CNTN4: variants seen among roughly 807,000 people sequenced by gnomAD.
The protein encoded by CNTN4 is contactin-4.
Under a neutral mutation model 122.5 loss-of-function variants are expected in CNTN4, and 77 were observed. The ratio of observed to expected loss-of-function variants is 0.63; its 90% CI spans 0.52 to 0.76. The LOEUF (loss-of-function observed/expected upper bound fraction) is 0.76. CNTN4 is among the 30% of genes least tolerant of loss of function. The pLI, the probability that CNTN4 is intolerant of heterozygous loss-of-function variation, is 0.00. For synonymous variants in CNTN4, 512 were observed against 447.0 expected (o/e 1.15, Z -1.83); for missense variants, 1,256 against 1,259.1 (o/e 1.00, Z 0.04).
At chr3:2,905,997 A>G (rs1038826411) in intron 12 of CNTN4, among the ~76,000 whole-genome samples, 10 of 152,258 alleles carry the variant, frequency 6.6e-5, no homozygotes, top group Non-Finnish European at 1.3e-4. Context: ...GTAGAATACT[A>G]TGTAGCCATA....
At chr3:2,885,015 C>T (rs976441370) in intron 9 of CNTN4, among the ~76,000 whole-genome samples, 6 of 152,160 alleles carry the variant, frequency 3.9e-5, no homozygotes, top group Non-Finnish European at 8.8e-5. Context: ...ATGTACTTTT[C>T]ATAGACCTTT....
Position 3,026,700 on chromosome 3 carries a change from T to C in CNTN4, c.1662+423T>C, listed in dbSNP as rs1698753188. ...TCTGTTTTTAGGCTGCTAATTAAAC[T>C]CCCTTTGACCTTGTAGAAGGCACGT... is the stretch of plus-strand genomic sequence containing the variant. On this transcript the variant is annotated intron_variant, in intron 15 of 24. Transcript: ENST00000418658. 2.0e-5 allele frequency among the ~76,000 whole-genome samples: 3 copies of C among 152,190 alleles called. No homozygotes were observed. In the South Asian group the frequency reaches 6.2e-4, roughly 31 times the overall value.
intron 3 of CNTN4, among the ~76,000 whole-genome samples, chr3:2,377,855 C>A (rs531589643): frequency 6.6e-6 from 1 of 151,848 alleles, no homozygotes; most frequent in Middle Eastern, 3.2e-3. Context: ...TCGTCCAGTG[C>A]GACCCAGGGA....
At chr3:2,769,265 C>A (rs2090986226) in intron 6 of CNTN4, among the ~76,000 whole-genome samples, 1 of 152,008 alleles carries the variant, frequency 6.6e-6, no homozygotes, top group Non-Finnish European at 1.5e-5. Context: ...AGTTCAAGAC[C>A]AGCCTGGCCA....
intron 3 of CNTN4, among the ~76,000 whole-genome samples, chr3:2,462,479 G>A (rs942783903): frequency 1.3e-5 from 2 of 152,132 alleles, no homozygotes; most frequent in Non-Finnish European, 2.9e-5. Context: ...CTTCAGTAAA[G>A]AGAAGTGGCC....
Position 2,613,579 on chromosome 3 carries a change from T to G in CNTN4, c.55+42021T>G, listed in dbSNP as rs79139278. Among the ~76,000 whole-genome samples, 706 of 152,312 alleles carry G rather than the reference T, an allele frequency of 4.6e-3. 5 individuals carry two copies. Among genetic ancestry groups the G allele is most frequent in the African/African-American group, 0.017 (687 of 41,580 alleles). ...TTATAAGATGGTATACATAAGACCA[T>G]GTATATTGTACTTTTTGGGCAATAT... On this transcript the variant is annotated intron_variant, in intron 4 of 24. Transcript: ENST00000418658.
At chr3:2,574,082 G>A (rs556790530) in intron 4 of CNTN4, among the ~76,000 whole-genome samples, 1 of 152,234 alleles carries the variant, frequency 6.6e-6, no homozygotes, top group Non-Finnish European at 1.5e-5. Context: ...AAGGCATGGT[G>A]GTGTATGCCT....
At chr3:2,924,808 T>G (rs988666403) in intron 12 of CNTN4, among the ~76,000 whole-genome samples, 8 of 152,172 alleles carry the variant, frequency 5.3e-5, no homozygotes, top group Non-Finnish European at 8.8e-5. Context: ...AAACCCTGTG[T>G]TTAAGAAGCT....
At chr3:2,814,890 C>T (rs1481059066) in intron 6 of CNTN4, among the ~76,000 whole-genome samples, 1 of 152,136 alleles carries the variant, frequency 6.6e-6, no homozygotes, top group Non-Finnish European at 1.5e-5. Context: ...AGTACTTGGC[C>T]ACATGGTATG....
At chr3:2,401,903 G>A (rs2046872574) in intron 3 of CNTN4, among the ~76,000 whole-genome samples, 1 of 152,130 alleles carries the variant, frequency 6.6e-6, no homozygotes, top group Non-Finnish European at 1.5e-5. Flanking sequence ...TTGTTTGCCA[G>A]CAAAGTAATA....
At chr3:2,864,779 C>G (rs185020914) in intron 7 of CNTN4, among the ~76,000 whole-genome samples, 124 of 136,276 alleles carry the variant, frequency 9.1e-4, no homozygotes, top group African/African-American at 3.0e-3. Context: ...GATTCCAACT[C>G]TCCTTGGAGA....
intron 12 of CNTN4, among the ~76,000 whole-genome samples, chr3:2,919,017 T>C (rs1013815995): frequency 1.3e-5 from 2 of 152,040 alleles, no homozygotes; most frequent in Non-Finnish European, 2.9e-5. Context: ...AGGCTCTTAC[T>C]TGAATTATGC....
Position 2,728,471 on chromosome 3 carries a change from A to G in CNTN4, c.56-7744A>G, listed in dbSNP as rs1299707037. Among the ~76,000 whole-genome samples the G allele has an allele frequency of 2.0e-5, 3 of 152,264 alleles. No individual in the cohort carries two copies. The East Asian group carries it at 5.8e-4, about 29-fold the overall frequency. On this transcript the variant is annotated intron_variant, in intron 4 of 24. Coordinates refer to ENST00000418658, the MANE Select transcript of CNTN4 (RefSeq NM_175607.3). ...GGTGTGAGTGGTGAGGGAGAAAGTGAAATATGAGCAGGACACTGAGAGCAC... is the reference window on the plus strand; with the variant it reads ...GGTGTGAGTGGTGAGGGAGAAAGTGGAATATGAGCAGGACACTGAGAGCAC...
intron 3 of CNTN4, among the ~76,000 whole-genome samples, chr3:2,450,433 G>A (rs1235516066): frequency 6.6e-6 from 1 of 152,022 alleles, no homozygotes; most frequent in Non-Finnish European, 1.5e-5. Flanking sequence ...GTGTATAGGA[G>A]CTAGGAGATA....
intron 3 of CNTN4, among the ~76,000 whole-genome samples, chr3:2,366,702 G>C (rs1263220865): frequency 6.6e-6 from 1 of 151,524 alleles, no homozygotes; most frequent in Non-Finnish European, 1.5e-5. Context: ...GCTCCAGCCT[G>C]GGTGACAAAG....
In CNTN4 at chr3:2,499,586, T is replaced by A. The variant is rs1262751881; in HGVS notation, c.-88-71830T>A. 2.0e-5 allele frequency among the ~76,000 whole-genome samples: 3 copies of A among 152,178 alleles called. No individual in the cohort carries two copies. The East Asian group carries it at 5.8e-4, about 29-fold the overall frequency. On this transcript the variant is annotated intron_variant, in intron 3 of 24. Coordinates refer to ENST00000418658, the MANE Select transcript of CNTN4 (RefSeq NM_175607.3). ...TTCTGGGTTCCCTACTTGTATTCAT[T>A]GATCTATGTGTCTGTCTCTCTGCCA...
intron 2 of CNTN4, among the ~76,000 whole-genome samples, chr3:2,208,544 A>C (rs1222512679): frequency 6.6e-6 from 1 of 152,192 alleles, no homozygotes; most frequent in Non-Finnish European, 1.5e-5. Flanking sequence ...AGGATTTAGA[A>C]TATTATGTAA....
intron 3 of CNTN4, among the ~76,000 whole-genome samples, chr3:2,368,600 AT>A (rs2045506827): frequency 6.6e-6 from 1 of 152,114 alleles, no homozygotes; most frequent in East Asian, 1.9e-4. Context: ...AGATCTGTGA[AT>A]ACCTATTAGG....
intron 20 of CNTN4, among the ~76,000 whole-genome samples, chr3:3,040,562 C>A (rs755206203): frequency 6.6e-6 from 1 of 152,190 alleles, no homozygotes; most frequent in East Asian, 1.9e-4. Context: ...GTTATCATTA[C>A]TTTCAAAAGA....
Sources: gnomAD v4.1 joint callset for allele counts (sites outside exome capture counted in the v4.1 genomes callset) on GRCh38, gnomAD v4.1.1 for gene constraint, MANE v1.5 for transcripts, NCBI Gene and HGNC (gene_info 2026-07-23, HGNC 2026-07-21) for gene names.